The following PARD3B variants were observed in gnomAD, a reference collection of about 807,000 sequenced individuals.
PARD3B encodes par-3 family cell polarity regulator beta.
A neutral mutation model predicts 130.2 loss-of-function variants in PARD3B; 103 were observed. The observed-to-expected ratio is 0.79, with a 90% CI of 0.67 to 0.93. PARD3B has a LOEUF of 0.93. Among genes scored for constraint, PARD3B ranks in the 40% least tolerant of loss-of-function variants. The probability of loss-of-function intolerance (pLI) is 0.00; values close to 1 mark genes in which losing one functional copy is unlikely to be tolerated. For missense variants in PARD3B, 1,609 were observed against 1,499.2 expected (o/e 1.07, Z -1.21); for synonymous variants, 583 against 553.2 (o/e 1.05, Z -0.76).
intron 14 of PARD3B, 131 bp downstream of exon 14, chr2:205,185,994 C>A: frequency 2.8e-6 from 2 of 719,888 alleles, no homozygotes; most frequent in South Asian, 2.1e-5. Context: ...ATCTATAATT[C>A]CTTTCCAGCG....
chr2:205,143,316 T>G (rs1224562635), intron 10 of PARD3B, among the ~76,000 whole-genome samples: 1 of 152,136 alleles, frequency 6.6e-6, no homozygotes, highest in Non-Finnish European at 1.5e-5. Flanking sequence ...TATCAGCAAG[T>G]AAAAACGGGG....
chr2:205,118,559 C>T (rs1017142478), intron 6 of PARD3B, among the ~76,000 whole-genome samples: 1 of 152,216 alleles, frequency 6.6e-6, no homozygotes, highest in East Asian at 1.9e-4. Flanking sequence ...CTAAACATCA[C>T]GTTGCCACGT....
intron 2 of PARD3B, among the ~76,000 whole-genome samples, chr2:204,758,646 C>A (rs1007437603): frequency 4.6e-5 from 7 of 152,158 alleles, no homozygotes; most frequent in Non-Finnish European, 2.9e-5. Context: ...TGGCAGATTT[C>A]TAAAGTGCCA....
chr2:204,918,629 CAA>C (rs549430207), intron 2 of PARD3B, among the ~76,000 whole-genome samples: 5 of 101,186 alleles, frequency 4.9e-5, no homozygotes, highest in Admixed American at 1.1e-4. Context: ...GACTCCGTCT[CAA>C]AAAAAAAAAA....
intron 16 of PARD3B, among the ~76,000 whole-genome samples, chr2:205,249,316 C>T (rs2039734898): frequency 6.6e-6 from 1 of 151,852 alleles, no homozygotes; most frequent in Non-Finnish European, 1.5e-5. Context: ...TGACCTAAAT[C>T]TATCATCCAG....
At chr2:205,236,939 G>T (rs916496202) in intron 15 of PARD3B, among the ~76,000 whole-genome samples, 1 of 152,120 alleles carries the variant, frequency 6.6e-6, no homozygotes, top group African/African-American at 2.4e-5. Context: ...AAGTGCAAGA[G>T]AATTATAAAG....
At chr2:204,840,400 A>C in intron 2 of PARD3B, among the ~76,000 whole-genome samples, 1 of 152,176 alleles carries the variant, frequency 6.6e-6, no homozygotes, top group Non-Finnish European at 1.5e-5. Context: ...TACACTTCCA[A>C]TATCATGCTT....
chr2:205,580,448 C>T lies in PARD3B; in HGVS notation c.3260+27045C>T, dbSNP rs527510413. Among the ~76,000 whole-genome samples the T allele has an allele frequency of 2.6e-5, 4 of 152,208 alleles. No homozygotes were observed. The South Asian group carries it at 8.3e-4, about 32-fold the overall frequency. The stretch of plus-strand genomic sequence containing the variant: ...TGACATGTGAGTGGTGACACTGTTA[C>T]AGGAGGGCATGTTGATATTGCTTCA... On this transcript the variant is annotated intron_variant, in intron 22 of 22. Coordinates refer to ENST00000406610, the MANE Select transcript of PARD3B (RefSeq NM_001302769.2).
chr2:205,404,366 T>C (rs1377547941), intron 19 of PARD3B, among the ~76,000 whole-genome samples: 1 of 152,216 alleles, frequency 6.6e-6, no homozygotes, highest in Non-Finnish European at 1.5e-5. Flanking sequence ...ATAGGTTATA[T>C]GCAAATATTA....
chr2:204,990,549 T>C (rs1693570407), intron 3 of PARD3B, among the ~76,000 whole-genome samples: 1 of 152,130 alleles, frequency 6.6e-6, no homozygotes, highest in Non-Finnish European at 1.5e-5. Context: ...TTCCAGACTC[T>C]AGTAACTATC....
chr2:204,900,853 A>G (rs773775236), intron 2 of PARD3B, among the ~76,000 whole-genome samples: 15 of 152,128 alleles, frequency 9.9e-5, no homozygotes, highest in Non-Finnish European at 1.9e-4. Context: ...TAAAAGTAAC[A>G]CTGTGACTTT....
chr2:204,706,062 G>T (rs1401920442), intron 2 of PARD3B, among the ~76,000 whole-genome samples: 2 of 152,072 alleles, frequency 1.3e-5, no homozygotes, highest in African/African-American at 4.8e-5. Flanking sequence ...AAAAAGGAGT[G>T]TAGTTTTGCA....
chr2:204,994,886 G>T (rs1010010670), intron 3 of PARD3B, among the ~76,000 whole-genome samples: 1 of 151,710 alleles, frequency 6.6e-6, no homozygotes, highest in Non-Finnish European at 1.5e-5. Flanking sequence ...TGTTTAATCC[G>T]AGACTAGGAT....
At chr2:205,371,680 C>A (rs1490203170) in intron 18 of PARD3B, among the ~76,000 whole-genome samples, 1 of 152,074 alleles carries the variant, frequency 6.6e-6, no homozygotes, top group Admixed American at 6.6e-5. Context: ...CACTGTAACC[C>A]AGTCATTTGA....
In PARD3B at chr2:205,348,337, C is replaced by T. The variant is rs972757359; in HGVS notation, c.2630+46636C>T. 3.3e-5 allele frequency among the ~76,000 whole-genome samples: 5 copies of T among 152,330 alleles called. No homozygotes were observed. The East Asian group carries it at 5.8e-4, about 18-fold the overall frequency. On this transcript the variant is annotated intron_variant, in intron 18 of 22. Transcript: ENST00000406610. ...GAGATGATCTTGACATTCTCCTCTC[C>T]GTATTCTCAATGTTTCAGCAACATG...
At chr2:204,793,133 T>G (rs2042254051) in intron 2 of PARD3B, among the ~76,000 whole-genome samples, 2 of 152,330 alleles carry the variant, frequency 1.3e-5, no homozygotes, top group South Asian at 4.1e-4. Context: ...TGACAGTGAT[T>G]TGTATTTGCA....
chr2:205,219,199 A>G (rs1395859117), intron 15 of PARD3B, among the ~76,000 whole-genome samples: 5 of 152,196 alleles, frequency 3.3e-5, no homozygotes, highest in South Asian at 2.1e-4. Flanking sequence ...ATATAACTCA[A>G]TACTTTCCAA....
chr2:204,573,008 A>G (rs2032081254), intron 1 of PARD3B, among the ~76,000 whole-genome samples: 2 of 152,256 alleles, frequency 1.3e-5, no homozygotes, highest in South Asian at 4.2e-4. Context: ...TAAATTATTG[A>G]CTCAAATGTG....
chr2:204,789,253 G>A (rs2042117815), intron 2 of PARD3B, among the ~76,000 whole-genome samples: 1 of 151,982 alleles, frequency 6.6e-6, no homozygotes, highest in South Asian at 2.1e-4. Context: ...TCATAGAGAT[G>A]GGGTCTCATT....
Sources: allele counts gnomAD v4.1 joint callset (sites outside exome capture counted in the v4.1 genomes callset), GRCh38; gene constraint gnomAD v4.1.1; transcripts MANE v1.5; gene names NCBI Gene and HGNC (gene_info 2026-07-23, HGNC 2026-07-21).